The following PTK7 variants were observed in gnomAD, a reference collection of about 807,000 sequenced individuals.
The protein encoded by PTK7 is protein tyrosine kinase 7 (inactive).
PTK7 carries 39 observed loss-of-function variants against 116.6 expected under a neutral mutation model. That is an observed-to-expected ratio of 0.33 (90% CI 0.26 to 0.44). The LOEUF is 0.44. Ranked by LOEUF, PTK7 falls within the 20% of genes least tolerant of loss-of-function variation. PTK7 has a pLI of 1.00. For synonymous variants in PTK7, 546 were observed against 563.6 expected, an observed-to-expected ratio of 0.97 and a Z score of 0.44; for missense variants, 1,169 against 1,425.6, an observed-to-expected ratio of 0.82 and a Z score of 2.90.
At chr6:43,109,748 G>A (rs1768087107) in intron 1 of PTK7, among the ~76,000 whole-genome samples, 1 of 151,216 alleles carries the variant, frequency 6.6e-6, no homozygotes, top group Non-Finnish European at 1.5e-5. Context: ...ACCCAGGCAG[G>A]AGTGCAGTGG....
rs57673295 is a variant in PTK7 at position 43,105,124 on chromosome 6, T to A, written c.80-23853T>A. Among the ~76,000 whole-genome samples the A allele has an allele frequency of 7.2e-3, 1,088 of 150,552 alleles. 7 individuals carry two copies. The highest frequency in any genetic ancestry group is 0.017 in the African/African-American group (702 of 41,006). ...CCAAGCCCAGCCTTTTTTTTTTTTT[T>A]AAAAAAACTTCTCTGGAGATAATGC... On this transcript the variant is annotated intron_variant, in intron 1 of 19. Coordinates refer to ENST00000230419, the MANE Select transcript of PTK7 (RefSeq NM_002821.5).
chr6:43,139,325 G>A lies in PTK7; in HGVS notation c.1498+54G>A. 6.2e-7 allele frequency: 1 copy of A among 1,614,046 alleles called. No individual in the cohort carries two copies. Among genetic ancestry groups the A allele is most frequent in the Non-Finnish European group, 8.5e-7 (1 of 1,179,902 alleles). The stretch of plus-strand genomic sequence containing the variant: ...CTTCCTGGCTAGGCAGGAGAGGAAA[G>A]GGGAGGGAGCAGCAGGCCTGGCCAC... On this transcript the variant is annotated intron_variant, in intron 9 of 19. Coordinates refer to ENST00000230419, the MANE Select transcript of PTK7 (RefSeq NM_002821.5). This position sits in a 1 kb window ranked among gnomAD's most constrained non-coding sequence, Gnocchi z 4.6.
chr6:43,151,982 C>T (rs1363232565), intron 17 of PTK7, among the ~76,000 whole-genome samples: 1 of 151,966 alleles, frequency 6.6e-6, no homozygotes, highest in African/African-American at 2.4e-5. Flanking sequence ...GTAGCTGGGA[C>T]TACAGGCACC....
At position 43,076,424 on chromosome 6, in the gene PTK7, C is replaced by T; in HGVS notation, c.-65C>T. On this transcript the variant is annotated 5_prime_UTR_variant, in exon 1 of 20. Coordinates refer to ENST00000230419, the MANE Select transcript of PTK7 (RefSeq NM_002821.5). The surrounding 1 kb of genome is among the most constrained non-coding windows in gnomAD (Gnocchi z 5.7). ...CTCCGGTGCGCTCCGCCTCCTGTGC[C>T]CGCCGCGGAGCGCAGTCTGCGCGCC... 1 of 1,355,012 alleles carries T rather than the reference C, an allele frequency of 7.4e-7. No individual in the cohort carries two copies. The highest frequency in any genetic ancestry group is 1.5e-5 in the South Asian group (1 of 67,188). The allele number at this position is 1,355,012 out of a possible 1,614,324, so 83.9% of individuals were successfully genotyped here.
In PTK7 at chr6:43,076,826, T is replaced by A; in HGVS notation, c.79+259T>A. The A allele has an allele frequency of 7.1e-7, 1 of 1,410,862 alleles. No individual in the cohort carries two copies. Among genetic ancestry groups the A allele is most frequent in the South Asian group, 1.5e-5 (1 of 68,432 alleles). 87.4% of individuals were successfully genotyped at this position (1,410,862 alleles called of 1,614,324 possible). On this transcript the variant is annotated intron_variant, in intron 1 of 19. Transcript: ENST00000230419. This position sits in a 1 kb window ranked among gnomAD's most constrained non-coding sequence, Gnocchi z 5.7. Reference sequence around the variant, plus strand: ...CATTTCCAGCCTCCCTGAGTTTTTCTGGTCTGAGCCGAGAGTTTGCTCGAG... The same window carrying A: ...CATTTCCAGCCTCCCTGAGTTTTTCAGGTCTGAGCCGAGAGTTTGCTCGAG...
chr6:43,140,932 ATTTG>A (rs1239111367), intron 10 of PTK7, among the ~76,000 whole-genome samples: 1 of 151,908 alleles, frequency 6.6e-6, no homozygotes, highest in African/African-American at 2.4e-5. Flanking sequence ...CTTCATGAAT[ATTTG>A]TTTTGATGAT....
chr6:43,120,822 A>G (rs948034397), intron 1 of PTK7, among the ~76,000 whole-genome samples: 2 of 152,192 alleles, frequency 1.3e-5, no homozygotes, highest in Admixed American at 6.5e-5. Flanking sequence ...GTATCAAACC[A>G]GAACCCAGGT....
Position 43,159,827 on chromosome 6 carries a change from C to CT in PTK7, c.2914dup (p.Trp972LeufsTer11). 6.2e-7 allele frequency: 1 copy of CT among 1,614,240 alleles called. No individual in the cohort carries two copies. Among genetic ancestry groups the CT allele is most frequent in the Non-Finnish European group, 8.5e-7 (1 of 1,180,034 alleles). On this transcript the variant is annotated frameshift_variant, in exon 19 of 20. Coordinates refer to ENST00000230419, the MANE Select transcript of PTK7 (RefSeq NM_002821.5). LOFTEE classifies it high-confidence loss of function. Reference sequence around the variant, plus strand: ...TCCGCCAGGCCTGGGTGCCGCTGCGCTGGATGTCCCCCGAGGCCATCCTGG... The same window carrying CT: ...TCCGCCAGGCCTGGGTGCCGCTGCGCTTGGATGTCCCCCGAGGCCATCCTGG...
At position 43,139,534 on chromosome 6, in the gene PTK7, A is replaced by G. The variant is rs747939016; in HGVS notation, c.1618+9A>G. 6.2e-7 allele frequency: 1 copy of G among 1,614,006 alleles called. No individual in the cohort carries two copies. Among genetic ancestry groups the G allele is most frequent in the Admixed American group, 1.7e-5 (1 of 60,020 alleles). On this transcript the variant is annotated intron_variant, in intron 10 of 19. Transcript: ENST00000230419. This position sits in a 1 kb window ranked among gnomAD's most constrained non-coding sequence, Gnocchi z 4.6. ...TAAGTGGGAACGGGCAGGTGGGTAC[A>G]GTGCCGGCATAGGGTAGGGGCAGGC...
intron 1 of PTK7, among the ~76,000 whole-genome samples, chr6:43,118,685 ATATG>A (rs1768749822): frequency 1.3e-4 from 15 of 111,436 alleles, no homozygotes; most frequent in South Asian, 3.1e-4. Context: ...ATATATATAT[ATATG>A]TATATATGTA....
chr6:43,145,020 T>C lies in PTK7; in HGVS notation c.2408-180T>C. The C allele has an allele frequency of 2.0e-6, 1 of 508,214 alleles. No homozygotes were observed. Among genetic ancestry groups the C allele is most frequent in the Non-Finnish European group, 3.4e-6 (1 of 291,580 alleles). 31.5% of individuals were successfully genotyped at this position (508,214 alleles called of 1,614,324 possible). On this transcript the variant is annotated intron_variant, in intron 15 of 19. Transcript: ENST00000230419. The surrounding 1 kb of genome is among the most constrained non-coding windows in gnomAD (Gnocchi z 4.8). Reference sequence around the variant, plus strand: ...AAAATGCTGAATATTAGTCCCACCCTTTTATTTTGTTGCTGCAGACACTGA... The same window carrying C: ...AAAATGCTGAATATTAGTCCCACCCCTTTATTTTGTTGCTGCAGACACTGA...
At chr6:43,079,197 G>T (rs1766226390) in intron 1 of PTK7, among the ~76,000 whole-genome samples, 1 of 151,250 alleles carries the variant, frequency 6.6e-6, no homozygotes, top group East Asian at 2.0e-4. Context: ...GCCAGGCCTG[G>T]TGGCTCACGC....
At chr6:43,130,723 G>A (rs2150431015) in intron 5 of PTK7, 62 bp downstream of exon 5, 6 of 1,574,130 alleles carry the variant, frequency 3.8e-6, no homozygotes, top group Non-Finnish European at 4.4e-6. Flanking sequence ...TCTGTAGAAG[G>A]GGGTGCGATT....
At position 43,130,406 on chromosome 6, in the gene PTK7, C is replaced by G; in HGVS notation, c.647C>G (p.Thr216Ser). 6.2e-7 allele frequency: 1 copy of G among 1,606,510 alleles called. No individual in the cohort carries two copies. The highest frequency in any genetic ancestry group is 8.5e-7 in the Non-Finnish European group (1 of 1,174,420). ...CAGGCTTGCAGCAGCCAGAACTTCA[C>G]CTTGAGCATTGCTGGTGAGCCTGGG... ...FGQACSSQNF[T>S]LSIADESFAR... The change falls in exon 4 of 20, where the codon ACC becomes AGC. Residue 216 changes from threonine (T) to serine (S), a missense_variant. Coordinates refer to ENST00000230419, the MANE Select transcript of PTK7 (RefSeq NM_002821.5).
chr6:43,109,806 C>T (rs1382003428), intron 1 of PTK7, among the ~76,000 whole-genome samples: 1 of 150,646 alleles, frequency 6.6e-6, no homozygotes, highest in African/African-American at 2.4e-5. Flanking sequence ...TCACACCATT[C>T]TCCTGGCTTA....
At position 43,157,355 on chromosome 6, in the gene PTK7, TATA is replaced by T. The variant is rs1368009619; in HGVS notation, c.2722-1461_2722-1459del. On this transcript the variant is annotated intron_variant, in intron 17 of 19. Coordinates refer to ENST00000230419, the MANE Select transcript of PTK7 (RefSeq NM_002821.5). ...ATATATATATATATATATATATATATATATATATATTTTTTTTTTTCTTTTTTT... is the reference window on the plus strand; with the variant it reads ...ATATATATATATATATATATATATATTATATATTTTTTTTTTTCTTTTTTT... 6.8e-3 allele frequency among the ~76,000 whole-genome samples: 62 copies of T among 9,096 alleles called. 7 individuals are homozygous for T. Among genetic ancestry groups the T allele is most frequent in the East Asian group, 0.016 (6 of 366 alleles). The allele number at this position is 9,096 out of a possible 152,430, so 6.0% of individuals were successfully genotyped here. A position where few individuals can be genotyped will look rare whatever the true frequency, so the allele number is the denominator to read the frequency against.
At chr6:43,150,800 TTTTTTTTTTTTTTTTTCC>T (rs1249615304) in intron 17 of PTK7, among the ~76,000 whole-genome samples, 1 of 99,952 alleles carries the variant, frequency 1.0e-5, no homozygotes, top group East Asian at 2.4e-4. Flanking sequence ...TTTTTTTTTT[TTTTTTTTTTTTTTTTTCC>T]CGAGACAGAG....
At chr6:43,151,591 G>A (rs1771094065) in intron 17 of PTK7, among the ~76,000 whole-genome samples, 1 of 135,160 alleles carries the variant, frequency 7.4e-6, no homozygotes, top group African/African-American at 2.8e-5. Flanking sequence ...GAGTGTGGTG[G>A]CGCGATCTCG....
chr6:43,136,731 G>A (rs1770064344), intron 7 of PTK7, among the ~76,000 whole-genome samples: 1 of 152,162 alleles, frequency 6.6e-6, no homozygotes, highest in African/African-American at 2.4e-5. Flanking sequence ...ACCCAGTTCA[G>A]TGGCTCACGC....
Sources: allele counts gnomAD v4.1 joint callset (sites outside exome capture counted in the v4.1 genomes callset), GRCh38; gene constraint gnomAD v4.1.1; non-coding constraint Gnocchi (gnomAD v3.1); transcripts MANE v1.5; gene names NCBI Gene and HGNC (gene_info 2026-07-23, HGNC 2026-07-21).